DYRK1A: variants seen among roughly 807,000 people sequenced by gnomAD.
The protein encoded by DYRK1A is dual specificity tyrosine-phosphorylation-regulated kinase 1A.
A neutral mutation model predicts 79.7 loss-of-function variants in DYRK1A; 9 were observed. The ratio of observed to expected loss-of-function variants is 0.11; its 90% CI spans 0.07 to 0.20. The LOEUF is 0.20. Among genes scored for constraint, DYRK1A ranks in the 10% least tolerant of loss-of-function variants. The pLI is 1.00. For synonymous variants in DYRK1A, 349 were observed against 329.7 expected, an observed-to-expected ratio of 1.06 and a Z score of -0.63; for missense variants, 622 against 956.0, an observed-to-expected ratio of 0.65 and a Z score of 4.61.
In DYRK1A at chr21:37,450,533, A is replaced by G. The variant is rs553798090; in HGVS notation, c.11-22151A>G. Among the ~76,000 whole-genome samples, 4 of 152,284 alleles carry G rather than the reference A, an allele frequency of 2.6e-5. No individual in the cohort carries two copies. In the East Asian group the frequency reaches 7.7e-4, roughly 29 times the overall value. ...AATAAATATTTAGTAAGTGCCTTTT[A>G]TGTGCCAACACAAAAGAATTATCAC... On this transcript the variant is annotated intron_variant, in intron 2 of 11. Transcript: ENST00000647188.
intron 2 of DYRK1A, among the ~76,000 whole-genome samples, chr21:37,468,402 T>A (rs1339919423): frequency 6.6e-6 from 1 of 152,180 alleles, no homozygotes; most frequent in Non-Finnish European, 1.5e-5. Flanking sequence ...CCCCTGCGCC[T>A]GGCCTGCCAA....
chr21:37,464,295 T>C (rs971510034), intron 2 of DYRK1A: 4 of 500,772 alleles, frequency 8.0e-6, no homozygotes, highest in African/African-American at 2.0e-5. Context: ...ACTGGTAATA[T>C]GGTCTCTAGT....
chr21:37,426,947 C>T (rs1211216635), intron 2 of DYRK1A, among the ~76,000 whole-genome samples: 1 of 149,786 alleles, frequency 6.7e-6, no homozygotes, highest in East Asian at 1.9e-4. Flanking sequence ...AGATGAATAA[C>T]CAAGAAGAAA....
At chr21:37,377,416 G>A (rs749203131) in intron 1 of DYRK1A, among the ~76,000 whole-genome samples, 9 of 152,130 alleles carry the variant, frequency 5.9e-5, no homozygotes, top group East Asian at 1.9e-4. Flanking sequence ...ACCGTGCCCC[G>A]CATTTTTTTT....
At chr21:37,406,937 A>T (rs1253304646) in intron 1 of DYRK1A, among the ~76,000 whole-genome samples, 5 of 138,376 alleles carry the variant, frequency 3.6e-5, no homozygotes, top group African/African-American at 1.1e-4. Context: ...AATTCTTTTG[A>T]TTTTTTTTTT....
intron 1 of DYRK1A, among the ~76,000 whole-genome samples, chr21:37,398,003 G>A (rs76170840): frequency 0.021 from 3,184 of 151,370 alleles, 44 homozygotes; most frequent in South Asian, 0.054. Flanking sequence ...ACTTTGGGGG[G>A]CTGAGGCAGG....
At chr21:37,376,441 G>A (rs563388038) in intron 1 of DYRK1A, among the ~76,000 whole-genome samples, 3 of 152,272 alleles carry the variant, frequency 2.0e-5, no homozygotes, top group Admixed American at 2.0e-4. Flanking sequence ...CCCTGGAAGC[G>A]GACGTTGCAG....
rs529493729 is a variant in DYRK1A at position 37,376,426 on chromosome 21, T to C, written c.-77+8798T>C. Reference sequence around the variant, plus strand: ...TGGGAGGCAGAGGCAGGATAATTGTTGGAACCCTGGAAGCGGACGTTGCAG... The same window carrying C: ...TGGGAGGCAGAGGCAGGATAATTGTCGGAACCCTGGAAGCGGACGTTGCAG... On this transcript the variant is annotated intron_variant, in intron 1 of 11. Coordinates refer to ENST00000647188, the MANE Select transcript of DYRK1A (RefSeq NM_001347721.2). 4.1e-4 allele frequency among the ~76,000 whole-genome samples: 63 copies of C among 152,260 alleles called. 2 individuals are homozygous for C. In the South Asian group the frequency reaches 0.012, roughly 30 times the overall value.
intron 2 of DYRK1A, among the ~76,000 whole-genome samples, chr21:37,455,038 T>TTC (rs1491526235): frequency 1.3e-5 from 2 of 150,298 alleles, no homozygotes; most frequent in East Asian, 3.9e-4. Context: ...TTTTTTTTTT[T>TTC]CGTGCCCCAG....
chr21:37,478,418 T>C (rs2052480022), intron 4 of DYRK1A, 118 bp downstream of exon 4: 5 of 714,112 alleles, frequency 7.0e-6, no homozygotes, highest in Non-Finnish European at 1.1e-5. Flanking sequence ...TTGATGATTA[T>C]TATGAAGACT....
chr21:37,425,428 A>G (rs994214060), intron 2 of DYRK1A, among the ~76,000 whole-genome samples: 1 of 151,164 alleles, frequency 6.6e-6, no homozygotes, highest in African/African-American at 2.4e-5. Context: ...GAAGCAATTA[A>G]TAATGATTAC....
chr21:37,440,216 A>G (rs923971493), intron 2 of DYRK1A, among the ~76,000 whole-genome samples: 5 of 117,342 alleles, frequency 4.3e-5, no homozygotes, highest in East Asian at 2.7e-4. Flanking sequence ...GTTCACTGCA[A>G]CCTCCGCCCC....
At chr21:37,403,474 A>G (rs529597027) in intron 1 of DYRK1A, among the ~76,000 whole-genome samples, 43 of 151,852 alleles carry the variant, frequency 2.8e-4, no homozygotes, top group African/African-American at 1.0e-3. Flanking sequence ...AACAGAGGCA[A>G]GGTCTTGTTC....
At chr21:37,375,100 A>G (rs1177229014) in intron 1 of DYRK1A, 1 of 152,106 alleles carries the variant, frequency 6.6e-6, no homozygotes, top group Non-Finnish European at 1.5e-5. Context: ...ATTTTATAGG[A>G]ATAGTTATCA....
In DYRK1A at chr21:37,525,798, C is replaced by CT. The variant is rs2053964125; in HGVS notation, c.*13268dup. On this transcript the variant is annotated 3_prime_UTR_variant, in exon 12 of 12. Transcript: ENST00000647188. ...TATTAGCTGAATATCCCGACATGGC[C>CT]TGTAATACAGCAGTTCAATGGTTTA... The CT allele has an allele frequency of 6.6e-6, 1 of 152,138 alleles. No individual in the cohort carries two copies. Among genetic ancestry groups the CT allele is most frequent in the Non-Finnish European group, 1.5e-5 (1 of 68,036 alleles). 9.4% of individuals were successfully genotyped at this position (152,138 alleles called of 1,614,324 possible).
chr21:37,434,652 A>T (rs1306170985), intron 2 of DYRK1A, among the ~76,000 whole-genome samples: 1 of 152,182 alleles, frequency 6.6e-6, no homozygotes, highest in Non-Finnish European at 1.5e-5. Context: ...ACTTGGTCTC[A>T]GTCTTCATAT....
chr21:37,414,691 G>A (rs1413544622), intron 1 of DYRK1A, among the ~76,000 whole-genome samples: 2 of 152,062 alleles, frequency 1.3e-5, no homozygotes, highest in Non-Finnish European at 2.9e-5. Context: ...ATGTGATAGG[G>A]GTGCTTTCTA....
chr21:37,469,524 G>A (rs1222787397), intron 2 of DYRK1A, among the ~76,000 whole-genome samples: 1 of 152,160 alleles, frequency 6.6e-6, no homozygotes, highest in African/African-American at 2.4e-5. Flanking sequence ...AAGAAAGGAG[G>A]TTTAGTTGGC....
Position 37,515,577 on chromosome 21 carries a change from T to A in DYRK1A, c.*3046T>A, listed in dbSNP as rs544185993. On this transcript the variant is annotated 3_prime_UTR_variant, in exon 12 of 12. Transcript: ENST00000647188. ...CCCTAACTCCTCGTACGGGGCCATA[T>A]CAGAATTCTAGAATTCTTGCCACTG... 9 of 152,238 alleles carry A rather than the reference T, an allele frequency of 5.9e-5. No individual in the cohort carries two copies. The highest frequency in any genetic ancestry group is 1.3e-4 in the Admixed American group (2 of 15,286). The allele number at this position is 152,238 out of a possible 1,614,324, so 9.4% of individuals were successfully genotyped here.
Sources: allele counts gnomAD v4.1 joint callset (sites outside exome capture counted in the v4.1 genomes callset), GRCh38; gene constraint gnomAD v4.1.1; transcripts MANE v1.5; gene names NCBI Gene and HGNC (gene_info 2026-07-23, HGNC 2026-07-21).